The following MED20 variants were observed in gnomAD, a reference collection of about 807,000 sequenced individuals.
MED20 encodes mediator complex subunit 20.
A neutral mutation model predicts 19.7 loss-of-function variants in MED20; 19 were observed. That is an observed-to-expected ratio of 0.96 (90% CI 0.67 to 1.42). The LOEUF (loss-of-function observed/expected upper bound fraction) is 1.42. Among genes scored for constraint, MED20 ranks in the 40% most tolerant of loss-of-function variants. The probability of loss-of-function intolerance (pLI) is 0.00; values close to 1 mark genes in which losing one functional copy is unlikely to be tolerated. For missense variants in MED20, 225 were observed against 273.0 expected (o/e 0.82, Z 1.24); for synonymous variants, 105 against 104.8 (o/e 1.00, Z -0.01).
At chr6:41,917,883 T>C (rs557348733) in intron 1 of MED20, 1 of 420,326 alleles carries the variant, frequency 2.4e-6, no homozygotes, top group South Asian at 1.7e-5. Flanking sequence ...TTAGAGAACA[T>C]TTCCATCATC....
intron 2 of MED20, among the ~76,000 whole-genome samples, chr6:41,914,157 C>T (rs1201856890): frequency 1.3e-5 from 2 of 152,302 alleles, no homozygotes; most frequent in South Asian, 2.1e-4. Flanking sequence ...CAGGAAACTA[C>T]TACCATCCCT....
At position 41,916,943 on chromosome 6, in the gene MED20, G is replaced by T; in HGVS notation, c.15-4C>A. The T allele has an allele frequency of 6.2e-7, 1 of 1,613,838 alleles. No homozygotes were observed. Among genetic ancestry groups the T allele is most frequent in the Non-Finnish European group, 8.5e-7 (1 of 1,179,936 alleles). On this transcript the variant is annotated splice_polypyrimidine_tract_variant and splice_region_variant and intron_variant, in intron 1 of 3. Coordinates refer to ENST00000265350, the MANE Select transcript of MED20 (RefSeq NM_004275.5). ...GGCCACAGGCATCTGGGACACACTG[G>T]AAAGGAGAGCACCAAATCGTCAGTT...
chr6:41,914,200 G>T (rs894718659), intron 2 of MED20, among the ~76,000 whole-genome samples: 2 of 152,192 alleles, frequency 1.3e-5, no homozygotes, highest in Non-Finnish European at 1.5e-5. Context: ...ATGTGCTGTT[G>T]TCGGAGGCAG....
chr6:41,912,320 G>A (rs1403722132), intron 2 of MED20, among the ~76,000 whole-genome samples: 4 of 145,824 alleles, frequency 2.7e-5, no homozygotes, highest in Non-Finnish European at 6.0e-5. Context: ...GGATTCACAG[G>A]TATGAGCCAC....
In MED20 at chr6:41,921,060, G is replaced by C. The variant is rs946229283; in HGVS notation, c.-42C>G. ...GGTGGCAGAATCACACAGTAGAAACGCAGGGTTCCCTGTCCGCCCACAGAA... is the reference window on the plus strand; with the variant it reads ...GGTGGCAGAATCACACAGTAGAAACCCAGGGTTCCCTGTCCGCCCACAGAA... On this transcript the variant is annotated 5_prime_UTR_variant, in exon 1 of 4. Coordinates refer to ENST00000265350, the MANE Select transcript of MED20 (RefSeq NM_004275.5). The C allele has an allele frequency of 1.2e-6, 2 of 1,607,240 alleles. No homozygotes were observed. Among genetic ancestry groups the C allele is most frequent in the Non-Finnish European group, 1.7e-6 (2 of 1,176,642 alleles).
intron 2 of MED20, among the ~76,000 whole-genome samples, chr6:41,910,010 A>G (rs577287562): frequency 1.3e-5 from 2 of 152,276 alleles, no homozygotes; most frequent in East Asian, 3.9e-4. Flanking sequence ...AAATGGTCCT[A>G]TGGAAGCAGC....
Position 41,905,603 on chromosome 6 carries a change from T to A in MED20, c.*1469A>T, listed in dbSNP as rs1303552585. 1 of 152,200 alleles carries A rather than the reference T, an allele frequency of 6.6e-6. No individual in the cohort carries two copies. The highest frequency in any genetic ancestry group is 1.5e-5 in the Non-Finnish European group (1 of 68,044). The allele number at this position is 152,200 out of a possible 1,614,324, so 9.4% of individuals were successfully genotyped here. A position where few individuals can be genotyped will look rare whatever the true frequency, so the allele number is the denominator to read the frequency against. On this transcript the variant is annotated 3_prime_UTR_variant, in exon 4 of 4. Transcript: ENST00000265350. ...CAGTTTCTCTTTAGATGCCTTCAAA[T>A]AAGGGACAGTATCCTTGATGACAAT... is the stretch of plus-strand genomic sequence containing the variant.
chr6:41,920,544 G>C (rs761354885), intron 1 of MED20, among the ~76,000 whole-genome samples: 6 of 152,110 alleles, frequency 3.9e-5, no homozygotes, highest in Non-Finnish European at 8.8e-5. Context: ...ACCATTGATA[G>C]GTTCCTGGGA....
At chr6:41,911,106 C>CAAA (rs377146036) in intron 2 of MED20, among the ~76,000 whole-genome samples, 1 of 111,828 alleles carries the variant, frequency 8.9e-6, no homozygotes, top group Admixed American at 9.3e-5. Flanking sequence ...GACTCCATCT[C>CAAA]AAAAAAAAAA....
intron 3 of MED20, among the ~76,000 whole-genome samples, chr6:41,908,052 C>G (rs1396125099): frequency 6.6e-6 from 1 of 152,132 alleles, no homozygotes; most frequent in Non-Finnish European, 1.5e-5. Flanking sequence ...CCACTAATGC[C>G]CTTTTCTCCA....
intron 2 of MED20, among the ~76,000 whole-genome samples, chr6:41,910,425 A>C (rs1775161958): frequency 6.6e-6 from 1 of 151,942 alleles, no homozygotes; most frequent in East Asian, 1.9e-4. Context: ...TGAGGTCAGG[A>C]GTTCCAGACC....
chr6:41,910,944 A>C (rs1286965757), intron 2 of MED20, among the ~76,000 whole-genome samples: 1 of 151,628 alleles, frequency 6.6e-6, no homozygotes, highest in Non-Finnish European at 1.5e-5. Flanking sequence ...CCTCGTGTCT[A>C]CTAAAAACAC....
Position 41,906,043 on chromosome 6 carries a change from A to G in MED20, c.*1029T>C, listed in dbSNP as rs1775038087. The G allele has an allele frequency of 6.6e-6, 1 of 152,250 alleles. No individual in the cohort carries two copies. The highest frequency in any genetic ancestry group is 1.5e-5 in the Non-Finnish European group (1 of 68,062). 9.4% of individuals were successfully genotyped at this position (152,250 alleles called of 1,614,324 possible). A position where few individuals can be genotyped will look rare whatever the true frequency, so the allele number is the denominator to read the frequency against. ...TTCCTGGGCACGTCCATTGAGCTCC[A>G]TGTAACAGAAGCCATTAACTGCATC... On this transcript the variant is annotated 3_prime_UTR_variant, in exon 4 of 4. Coordinates refer to ENST00000265350, the MANE Select transcript of MED20 (RefSeq NM_004275.5).
intron 2 of MED20, among the ~76,000 whole-genome samples, chr6:41,915,432 T>A (rs146507508): frequency 3.9e-4 from 59 of 152,302 alleles, no homozygotes; most frequent in African/African-American, 1.4e-3. Context: ...AATTTGAGGC[T>A]GCAGTGAGCT....
Position 41,906,980 on chromosome 6 carries a change from T to C in MED20, c.*92A>G. On this transcript the variant is annotated 3_prime_UTR_variant, in exon 4 of 4. Coordinates refer to ENST00000265350, the MANE Select transcript of MED20 (RefSeq NM_004275.5). The stretch of plus-strand genomic sequence containing the variant: ...AGGAGAGTAGAGTCCATGTCTACCC[T>C]GGGTTTCTGGGGTCCAGGGACCTGA... 1.7e-6 allele frequency: 2 copies of C among 1,150,102 alleles called. No homozygotes were observed. The highest frequency in any genetic ancestry group is 2.5e-6 in the Non-Finnish European group (2 of 787,628). The allele number at this position is 1,150,102 out of a possible 1,614,324, so 71.2% of individuals were successfully genotyped here.
In MED20 at chr6:41,909,323, C is replaced by T; in HGVS notation, c.369G>A (p.Leu123=). Residue 123 remains leucine, a synonymous_variant, in exon 3 of 4, where the codon CTG becomes CTA. Transcript: ENST00000265350. ...CCATTGTGACCGTGCCCACCTTCAC[C>T]AGGAAGTCACAGTACTGGTACCTGG... ...RGTRYQYCDF[L]VKVGTVTMGP... is the part of the protein sequence containing the mutation. 1 of 1,614,130 alleles carries T rather than the reference C, an allele frequency of 6.2e-7. No homozygotes were observed. The highest frequency in any genetic ancestry group is 8.5e-7 in the Non-Finnish European group (1 of 1,180,036).
chr6:41,911,325 A>AT (rs1165824820), intron 2 of MED20, among the ~76,000 whole-genome samples: 1 of 151,458 alleles, frequency 6.6e-6, no homozygotes, highest in Non-Finnish European at 1.5e-5. Context: ...TAATTTTTGT[A>AT]TTTTTAGTAG....
chr6:41,909,185 A>AG (rs1775127301), intron 3 of MED20, 84 bp downstream of exon 3: 6 of 1,512,646 alleles, frequency 4.0e-6, no homozygotes, highest in Middle Eastern at 2.5e-4. Flanking sequence ...AAAAAAAAAA[A>AG]AGAGAAGAAC....
chr6:41,912,199 C>CTTT (rs887419565), intron 2 of MED20, among the ~76,000 whole-genome samples: 59 of 119,278 alleles, frequency 4.9e-4, no homozygotes, highest in Admixed American at 7.4e-4. Flanking sequence ...CCATGCCCAC[C>CTTT]TTTTTTTTTT....
Sources: allele counts gnomAD v4.1 joint callset (sites outside exome capture counted in the v4.1 genomes callset), GRCh38; gene constraint gnomAD v4.1.1; transcripts MANE v1.5; gene names NCBI Gene and HGNC (gene_info 2026-07-23, HGNC 2026-07-21).